Variants in UNC13B observed in about 807,000 individuals in gnomAD.
UNC13B encodes unc-13 homolog B.
UNC13B carries 144 observed loss-of-function variants against 211.0 expected under a neutral mutation model. The ratio of observed to expected loss-of-function variants is 0.68; its 90% CI spans 0.60 to 0.78. The LOEUF is 0.78. Ranked by LOEUF, UNC13B falls within the 30% of genes least tolerant of loss-of-function variation. The pLI is 0.00. For synonymous variants in UNC13B, 709 were observed against 725.8 expected, an observed-to-expected ratio of 0.98 and a Z score of 0.37; for missense variants, 1,777 against 2,002.0, an observed-to-expected ratio of 0.89 and a Z score of 2.14.
chr9:35,271,685 G>A (rs1457531366), intron 7 of UNC13B, among the ~76,000 whole-genome samples: 3 of 152,182 alleles, frequency 2.0e-5, no homozygotes, highest in Non-Finnish European at 4.4e-5. Flanking sequence ...TGCCATACCA[G>A]TCTGACTACT....
intron 1 of UNC13B, among the ~76,000 whole-genome samples, chr9:35,214,667 G>C (rs560260060): frequency 2.6e-5 from 4 of 152,158 alleles, no homozygotes; most frequent in Admixed American, 6.5e-5. Flanking sequence ...AGTTCTCTAG[G>C]GGGGAAAAAG....
rs1829915101 is a variant in UNC13B at position 35,306,210 on chromosome 9, A to G, written c.6806A>G (p.Asp2269Gly). The change falls in exon 9 of 40, where the codon GAT (aspartate) becomes GGT (glycine). Residue 2269 changes from aspartate (D) to glycine (G), a missense_variant. By Grantham distance (94) the Asp-to-Gly change is moderately conservative. Transcript: ENST00000635942. Reference protein sequence around the residue: ...MTRESSSGHRDSIAQEVVHEQ... With the variant: ...MTRESSSGHRGSIAQEVVHEQ... ...AGAGAAAGTTCCAGTGGTCATAGAG[A>G]TAGCATAGCCCAAGAAGTAGTTCAT... is the stretch of plus-strand genomic sequence containing the variant. 2.5e-6 allele frequency: 1 copy of G among 398,952 alleles called. No individual in the cohort carries two copies. Among genetic ancestry groups the G allele is most frequent in the Admixed American group, 4.4e-5 (1 of 22,714 alleles). 24.7% of individuals were successfully genotyped at this position (398,952 alleles called of 1,614,324 possible).
intron 11 of UNC13B, among the ~76,000 whole-genome samples, chr9:35,331,329 AC>A (rs1459504990): frequency 7.9e-5 from 12 of 152,104 alleles, no homozygotes; most frequent in Non-Finnish European, 1.6e-4. Context: ...GCTGACTGCA[AC>A]CTCTGCCTCC....
intron 11 of UNC13B, among the ~76,000 whole-genome samples, chr9:35,365,052 G>C (rs985728035): frequency 1.3e-5 from 2 of 152,204 alleles, no homozygotes; most frequent in Non-Finnish European, 2.9e-5. Flanking sequence ...TAAGTGTGAA[G>C]GTACTTGTGC....
chr9:35,381,352 A>G (rs1454395191), intron 19 of UNC13B, 137 bp downstream of exon 19: 3 of 968,890 alleles, frequency 3.1e-6, no homozygotes, highest in Non-Finnish European at 4.6e-6. Flanking sequence ...TACCCTGGAG[A>G]GTCCGAGTGA....
intron 1 of UNC13B, among the ~76,000 whole-genome samples, chr9:35,188,940 C>A (rs1378236529): frequency 6.6e-6 from 1 of 152,160 alleles, no homozygotes. Context: ...TACTAAAGGG[C>A]AGATTAGCAT....
At chr9:35,222,484 A>G (rs1824616010) in intron 1 of UNC13B, among the ~76,000 whole-genome samples, 1 of 152,208 alleles carries the variant, frequency 6.6e-6, no homozygotes, top group South Asian at 2.1e-4. Context: ...ACATGTGCGC[A>G]TGGGAGTCAA....
At chr9:35,271,691 C>G (rs1348210849) in intron 7 of UNC13B, among the ~76,000 whole-genome samples, 1 of 152,222 alleles carries the variant, frequency 6.6e-6, no homozygotes, top group African/African-American at 2.4e-5. Flanking sequence ...ACCAGTCTGA[C>G]TACTACTAAA....
At chr9:35,176,497 GA>G (rs1261228344) in intron 1 of UNC13B, among the ~76,000 whole-genome samples, 1 of 152,122 alleles carries the variant, frequency 6.6e-6, no homozygotes, top group African/African-American at 2.4e-5. Context: ...GCAGTGAGCT[GA>G]AATCGCACCA....
chr9:35,333,903 TG>T (rs1462038644), intron 11 of UNC13B, among the ~76,000 whole-genome samples: 1 of 152,226 alleles, frequency 6.6e-6, no homozygotes, highest in African/African-American at 2.4e-5. Flanking sequence ...GGAACAAACT[TG>T]GGAATGAAAA....
Position 35,313,931 on chromosome 9 carries a change from C to T in UNC13B, c.9356C>T (p.Thr3119Ile), listed in dbSNP as rs1433364246. Residue 3119 changes from threonine to isoleucine, a missense_variant, in exon 11 of 40, where the codon ACC becomes ATC. Physicochemically the swap from Thr to Ile is moderately conservative, Grantham distance 89. Coordinates refer to ENST00000635942, the MANE Select transcript of UNC13B (RefSeq NM_001371189.2). The part of the protein sequence containing the change: ...FPEENASSPF[T>I]QARAHWIRAV... ...GAGGAGAATGCATCTTCACCATTTA[C>T]CCAAGCCAGAGCACATTGGATCCGA... 6.2e-7 allele frequency: 1 copy of T among 1,613,910 alleles called. No homozygotes were observed.
At chr9:35,252,944 A>AT (rs973748486) in intron 6 of UNC13B, among the ~76,000 whole-genome samples, 1 of 144,506 alleles carries the variant, frequency 6.9e-6, no homozygotes, top group African/African-American at 2.5e-5. Flanking sequence ...GAAAAAAAAA[A>AT]TTTTTTTTCT....
chr9:35,229,074 A>G (rs1289716161), intron 2 of UNC13B, among the ~76,000 whole-genome samples: 1 of 152,064 alleles, frequency 6.6e-6, no homozygotes, highest in Non-Finnish European at 1.5e-5. Context: ...ATTTTCCCAA[A>G]TCCTTATCAA....
intron 11 of UNC13B, among the ~76,000 whole-genome samples, chr9:35,343,211 A>G (rs1832124095): frequency 6.6e-6 from 1 of 152,264 alleles, no homozygotes; most frequent in African/African-American, 2.4e-5. Flanking sequence ...TAATCAGAAC[A>G]GTAACAACAA....
In UNC13B at chr9:35,236,504, A is replaced by T. The variant is rs865795598; in HGVS notation, c.188A>T (p.Glu63Val). 1.2e-6 allele frequency: 2 copies of T among 1,614,032 alleles called. No homozygotes were observed. The highest frequency in any genetic ancestry group is 3.3e-4 in the Middle Eastern group (2 of 6,062). ...ISRLDLGLSVEVWNKGLIWDT... is the reference protein window; with the variant it reads ...ISRLDLGLSVVVWNKGLIWDT... ...CGCCTGGACCTGGGTCTAAGTGTGG[A>T]GGTATGGAACAAAGGACTGATCTGG... Residue 63 changes from glutamate to valine, a missense_variant, in exon 4 of 40, where the codon GAG becomes GTG. Physicochemically the swap from Glu to Val is moderately radical, Grantham distance 121. Coordinates refer to ENST00000635942, the MANE Select transcript of UNC13B (RefSeq NM_001371189.2).
intron 7 of UNC13B, among the ~76,000 whole-genome samples, chr9:35,266,189 A>G (rs937594180): frequency 1.3e-5 from 2 of 152,168 alleles, no homozygotes; most frequent in African/African-American, 4.8e-5. Flanking sequence ...TCTTGAAGTA[A>G]TAAATGGAGG....
intron 1 of UNC13B, among the ~76,000 whole-genome samples, chr9:35,163,698 G>A (rs1267398297): frequency 6.6e-6 from 1 of 152,216 alleles, no homozygotes; most frequent in Non-Finnish European, 1.5e-5. Flanking sequence ...AGGAGCACTC[G>A]TGAATCAGAA....
At chr9:35,333,198 C>T (rs576347134) in intron 11 of UNC13B, among the ~76,000 whole-genome samples, 34 of 152,242 alleles carry the variant, frequency 2.2e-4, no homozygotes, top group African/African-American at 7.9e-4. Flanking sequence ...GAGAAAATGT[C>T]TGACTTTATA....
intron 1 of UNC13B, among the ~76,000 whole-genome samples, chr9:35,218,179 G>A (rs1000020977): frequency 6.6e-6 from 1 of 152,094 alleles, no homozygotes; most frequent in African/African-American, 2.4e-5. Flanking sequence ...AATCCTAAGA[G>A]CCAAGGGAAA....
Sources: gnomAD v4.1 joint callset for allele counts (sites outside exome capture counted in the v4.1 genomes callset) on GRCh38, gnomAD v4.1.1 for gene constraint, MANE v1.5 for transcripts, NCBI Gene and HGNC (gene_info 2026-07-23, HGNC 2026-07-21) for gene names.